The following ARNT2 variants were observed in gnomAD, a reference collection of about 807,000 sequenced individuals.
ARNT2 encodes the protein aryl hydrocarbon receptor nuclear translocator 2.
Under a neutral mutation model 91.7 loss-of-function variants are expected in ARNT2, and 36 were observed. That is an observed-to-expected ratio of 0.39 (90% CI 0.30 to 0.52). The LOEUF (loss-of-function observed/expected upper bound fraction) is 0.52. Ranked by LOEUF, ARNT2 falls within the 20% of genes least tolerant of loss-of-function variation. The pLI is 0.72. For synonymous variants in ARNT2, 365 were observed against 347.1 expected, an observed-to-expected ratio of 1.05 and a Z score of -0.57; for missense variants, 775 against 939.3, an observed-to-expected ratio of 0.83 and a Z score of 2.29.
intron 17 of ARNT2, among the ~76,000 whole-genome samples, chr15:80,589,964 T>C (rs371487951): frequency 2.3e-4 from 35 of 152,308 alleles, no homozygotes; most frequent in African/African-American, 8.4e-4. Context: ...ATTGTCATCA[T>C]GTAGAGTTTG....
chr15:80,475,074 G>C lies in ARNT2; in HGVS notation c.473G>C (p.Gly158Ala). 2 of 1,614,150 alleles carry C rather than the reference G, an allele frequency of 1.2e-6. No individual in the cohort carries two copies. The highest frequency in any genetic ancestry group is 2.2e-5 in the East Asian group (1 of 44,876). The change falls in exon 5 of 19, where the codon GGG (glycine) becomes GCG (alanine). Residue 158 changes from glycine (G) to alanine (A), a missense_variant. Around this residue, in one of 5 missense-constraint regions of ARNT2, gnomAD observed 83 missense variants for 149.4 expected, o/e 0.56. Transcript: ENST00000303329. Reference protein sequence around the residue: ...GFLFVVAAETGRVIYVSDSVT... With the variant: ...GFLFVVAAETARVIYVSDSVT... ...CTGTTTGTGGTGGCTGCTGAGACAG[G>C]GCGAGTGATTTATGTGTCTGACTCC...
At chr15:80,473,482 G>A (rs74027981) in intron 4 of ARNT2, among the ~76,000 whole-genome samples, 9,920 of 152,128 alleles carry the variant, frequency 0.065, 773 homozygotes, top group African/African-American at 0.18. Flanking sequence ...ACTTCCCCAG[G>A]CACCCTCTTC....
At chr15:80,504,095 T>C (rs1451937898) in intron 5 of ARNT2, among the ~76,000 whole-genome samples, 1 of 152,220 alleles carries the variant, frequency 6.6e-6, no homozygotes, top group Admixed American at 6.5e-5. Context: ...CCCCCACACC[T>C]TCCTCCATTT....
intron 1 of ARNT2, among the ~76,000 whole-genome samples, chr15:80,450,183 A>G (rs1406676916): frequency 1.3e-5 from 2 of 152,254 alleles, no homozygotes; most frequent in Admixed American, 6.5e-5. Context: ...CACAATGTGC[A>G]GGAAAGGTAC....
chr15:80,497,932 C>CT (rs936083336), intron 5 of ARNT2, among the ~76,000 whole-genome samples: 36 of 152,322 alleles, frequency 2.4e-4, no homozygotes, highest in African/African-American at 8.7e-4. Context: ...TGTGATTCCA[C>CT]TTTCGTGTTA....
At chr15:80,463,189 C>T (rs553493686) in intron 3 of ARNT2, among the ~76,000 whole-genome samples, 1 of 152,318 alleles carries the variant, frequency 6.6e-6, no homozygotes, top group East Asian at 1.9e-4. Context: ...GAGAGGATGA[C>T]CAGGCAGCAG....
chr15:80,476,817 T>C (rs1896810180), intron 5 of ARNT2, among the ~76,000 whole-genome samples: 1 of 152,248 alleles, frequency 6.6e-6, no homozygotes, highest in African/African-American at 2.4e-5. Flanking sequence ...ATAGCTTTTA[T>C]GTAACAGAAA....
chr15:80,429,638 T>C (rs1406162027), intron 1 of ARNT2, among the ~76,000 whole-genome samples: 1 of 152,158 alleles, frequency 6.6e-6, no homozygotes, highest in African/African-American at 2.4e-5. Context: ...TTATATTCGG[T>C]TGGTGAGAAG....
chr15:80,503,884 G>T (rs150229692), intron 5 of ARNT2, among the ~76,000 whole-genome samples: 1 of 152,216 alleles, frequency 6.6e-6, no homozygotes, highest in Non-Finnish European at 1.5e-5. Context: ...TTTGTAGAGC[G>T]CCATGCAGTC....
rs114704778 is a variant in ARNT2, at chr15:80,437,238, G to A, written c.32-13642G>A. Among the ~76,000 whole-genome samples, 1,489 of 152,244 alleles carry A rather than the reference G, an allele frequency of 9.8e-3. 23 individuals carry two copies. Among genetic ancestry groups the A allele is most frequent in the African/African-American group, 0.034 (1,423 of 41,546 alleles). On this transcript the variant is annotated intron_variant, in intron 1 of 18. Coordinates refer to ENST00000303329, the MANE Select transcript of ARNT2 (RefSeq NM_014862.4). ...AAGGGAGCCACAGGAGGAACTGCAC[G>A]CTCGTCAGGCCACTGTTACCTCTTG...
chr15:80,469,453 G>A (rs1375237820), intron 3 of ARNT2, among the ~76,000 whole-genome samples: 1 of 151,694 alleles, frequency 6.6e-6, no homozygotes, highest in East Asian at 1.9e-4. Flanking sequence ...ACAAAGAATG[G>A]TAAGACTATA....
chr15:80,455,121 A>G (rs1219246560), intron 2 of ARNT2, among the ~76,000 whole-genome samples: 3 of 152,156 alleles, frequency 2.0e-5, no homozygotes, highest in Non-Finnish European at 4.4e-5. Context: ...GTCCTATGTA[A>G]AGTAGAGAAT....
intron 5 of ARNT2, among the ~76,000 whole-genome samples, chr15:80,497,210 T>C (rs191785053): frequency 6.6e-6 from 1 of 152,346 alleles, no homozygotes; most frequent in Non-Finnish European, 1.5e-5. Flanking sequence ...CAGTTGATCA[T>C]CAAATACAGA....
chr15:80,521,497 A>G (rs1163818469), intron 8 of ARNT2, among the ~76,000 whole-genome samples: 1 of 152,222 alleles, frequency 6.6e-6, no homozygotes, highest in Non-Finnish European at 1.5e-5. Flanking sequence ...ATGATATTGA[A>G]TAAATTTGCA....
intron 1 of ARNT2, chr15:80,441,128 C>G: frequency 1.3e-6 from 1 of 799,596 alleles, no homozygotes; most frequent in Non-Finnish European, 1.5e-6. Flanking sequence ...ACCGATTTTT[C>G]AGAACCTAAG....
Position 80,530,826 on chromosome 15 carries a change from G to A in ARNT2, c.877+16421G>A, listed in dbSNP as rs758780975. Among the ~76,000 whole-genome samples the A allele has an allele frequency of 3.9e-5, 6 of 152,228 alleles. No homozygotes were observed. The East Asian group carries it at 1.2e-3, about 29-fold the overall frequency. On this transcript the variant is annotated intron_variant, in intron 8 of 18. Transcript: ENST00000303329. ...CTCCCCAAAATATCTTCCAAAATTA[G>A]TCCCCGTAGATACACCATGAATACA...
intron 1 of ARNT2, among the ~76,000 whole-genome samples, chr15:80,441,678 C>T (rs1257179319): frequency 2.6e-5 from 4 of 152,130 alleles, no homozygotes; most frequent in Non-Finnish European, 5.9e-5. Flanking sequence ...TCCTCCTGTT[C>T]CTTTCATCTG....
intron 5 of ARNT2, among the ~76,000 whole-genome samples, chr15:80,490,614 C>T (rs768353949): frequency 1.3e-5 from 2 of 152,238 alleles, no homozygotes; most frequent in African/African-American, 2.4e-5. Flanking sequence ...GCAGACCCCG[C>T]CCCACAGTCC....
intron 5 of ARNT2, among the ~76,000 whole-genome samples, chr15:80,492,027 T>C (rs560028772): frequency 3.3e-5 from 5 of 152,098 alleles, no homozygotes; most frequent in South Asian, 4.2e-4. Flanking sequence ...ATGCAGAGTG[T>C]CCTTCTTTCT....
Sources: allele counts gnomAD v4.1 joint callset (sites outside exome capture counted in the v4.1 genomes callset), GRCh38; gene constraint gnomAD v4.1.1; regional missense constraint gnomAD v4.1.1; transcripts MANE v1.5; gene names NCBI Gene and HGNC (gene_info 2026-07-23, HGNC 2026-07-21).